The following RAB3GAP1 variants were observed in gnomAD, a reference collection of about 807,000 sequenced individuals.
The protein encoded by RAB3GAP1 is rab3 GTPase-activating protein catalytic subunit.
A neutral mutation model predicts 130.7 loss-of-function variants in RAB3GAP1; 86 were observed. The ratio of observed to expected loss-of-function variants is 0.66; its 90% CI spans 0.55 to 0.79. RAB3GAP1 has a LOEUF of 0.79. Ranked by LOEUF, RAB3GAP1 falls within the 30% of genes least tolerant of loss-of-function variation. The pLI is 0.00. For missense variants in RAB3GAP1, 1,029 were observed against 1,169.4 expected, an observed-to-expected ratio of 0.88 and a Z score of 1.75; for synonymous variants, 367 against 401.7, an observed-to-expected ratio of 0.91 and a Z score of 1.03.
chr2:135,052,377 C>T (rs1482164748), intron 1 of RAB3GAP1, 52 bp downstream of exon 1: 10 of 1,614,166 alleles, frequency 6.2e-6, no homozygotes, highest in Admixed American at 1.7e-5. Context: ...ATTCGTTCCT[C>T]ATGTCTTCGC....
At chr2:135,081,327 A>AAAAAAAAAT (rs1363481112) in intron 3 of RAB3GAP1, among the ~76,000 whole-genome samples, 12 of 64,046 alleles carry the variant, frequency 1.9e-4, no homozygotes, top group African/African-American at 6.4e-4. Context: ...AAAAAAAAAA[A>AAAAAAAAAT]ATATATATAT....
intron 12 of RAB3GAP1, 31 bp downstream of exon 12, chr2:135,130,118 C>G (rs754619178): frequency 6.7e-7 from 1 of 1,494,392 alleles, no homozygotes; most frequent in Admixed American, 1.7e-5. Flanking sequence ...ACATTACTTT[C>G]AAATGTCTTA....
At chr2:135,071,199 T>C (rs1689463068) in intron 3 of RAB3GAP1, among the ~76,000 whole-genome samples, 1 of 152,216 alleles carries the variant, frequency 6.6e-6, no homozygotes, top group Non-Finnish European at 1.5e-5. Flanking sequence ...ATCCTGGCCT[T>C]GAGGCCCAGA....
At chr2:135,117,555 T>G (rs113460754) in intron 7 of RAB3GAP1, among the ~76,000 whole-genome samples, 2,755 of 88,060 alleles carry the variant, frequency 0.031, 79 homozygotes, top group African/African-American at 0.1. Context: ...TTCTTCTTCT[T>G]CTGCTTCTTC....
At chr2:135,157,492 A>T (rs1193933790) in intron 19 of RAB3GAP1, among the ~76,000 whole-genome samples, 1 of 152,158 alleles carries the variant, frequency 6.6e-6, no homozygotes, top group Non-Finnish European at 1.5e-5. Context: ...GACACATCAA[A>T]TGTGTTTGAC....
At chr2:135,137,293 A>T in intron 17 of RAB3GAP1, 1 of 294,502 alleles carries the variant, frequency 3.4e-6, no homozygotes, top group East Asian at 9.8e-5. Flanking sequence ...CATCTGTACT[A>T]TTCTTGAGTA....
intron 17 of RAB3GAP1, among the ~76,000 whole-genome samples, chr2:135,141,900 C>T (rs998491250): frequency 1.3e-5 from 2 of 151,838 alleles, no homozygotes; most frequent in African/African-American, 2.4e-5. Flanking sequence ...TATTCTGTTC[C>T]GTTGGTCTCT....
intron 3 of RAB3GAP1, among the ~76,000 whole-genome samples, chr2:135,060,943 A>G (rs534198681): frequency 6.7e-6 from 1 of 149,314 alleles, no homozygotes; most frequent in Non-Finnish European, 1.5e-5. Context: ...GCCTAAAGCA[A>G]TCTGCTTGCC....
chr2:135,074,048 C>T (rs1476867329), intron 3 of RAB3GAP1, among the ~76,000 whole-genome samples: 3 of 152,268 alleles, frequency 2.0e-5, no homozygotes, highest in South Asian at 4.2e-4. Flanking sequence ...ACTGGATGAA[C>T]ACTAGGTGAA....
At chr2:135,094,866 T>TGACA (rs1690246411) in intron 5 of RAB3GAP1, among the ~76,000 whole-genome samples, 1 of 152,226 alleles carries the variant, frequency 6.6e-6, no homozygotes, top group South Asian at 2.1e-4. Context: ...CTCTTGTAAA[T>TGACA]GACAGGATTT....
At chr2:135,062,788 A>G (rs1689213008) in intron 3 of RAB3GAP1, among the ~76,000 whole-genome samples, 1 of 152,210 alleles carries the variant, frequency 6.6e-6, no homozygotes, top group Non-Finnish European at 1.5e-5. Context: ...TATGATGCAA[A>G]AATAAATGGA....
chr2:135,175,303 A>G (rs1445699206), downstream of RAB3GAP1: 1 of 152,236 alleles, frequency 6.6e-6, no homozygotes, highest in Non-Finnish European at 1.5e-5. Flanking sequence ...GGAGCCAGAC[A>G]TGTTTCTTTT....
chr2:135,164,675 G>A lies in RAB3GAP1; in HGVS notation c.2688G>A (p.Lys896=). ...GACATGCTGGCAGGATCATTCACAA[G>A]CTGTTTGTGAATGCCCAGAGGGTAT... ...GRGHAGRIIH[K]LFVNAQRAAA... is the part of the protein sequence containing the mutation. The change falls in exon 23 of 24, where the codon AAG becomes AAA. Residue 896 remains lysine (K), a synonymous_variant. Transcript: ENST00000264158. The A allele has an allele frequency of 1.2e-6, 2 of 1,610,500 alleles. No homozygotes were observed. The highest frequency in any genetic ancestry group is 1.7e-6 in the Non-Finnish European group (2 of 1,177,080).
chr2:135,117,636 GCTTCTT>G (rs1190948966), intron 7 of RAB3GAP1, among the ~76,000 whole-genome samples: 2 of 13,854 alleles, frequency 1.4e-4, no homozygotes, highest in Admixed American at 6.8e-4. Context: ...TTCTGCTTCT[GCTTCTT>G]CTTCTGCTTC....
intron 3 of RAB3GAP1, among the ~76,000 whole-genome samples, chr2:135,075,679 G>T (rs1244291661): frequency 5.0e-5 from 7 of 139,010 alleles, no homozygotes; most frequent in South Asian, 2.3e-4. Context: ...GCCTTTTTTT[G>T]GGGGGGGTCA....
intron 7 of RAB3GAP1, among the ~76,000 whole-genome samples, chr2:135,117,513 G>GCTT (rs1187892015): frequency 4.5e-4 from 12 of 26,890 alleles, no homozygotes; most frequent in African/African-American, 1.9e-3. Flanking sequence ...TTCTTCTTCT[G>GCTT]CTTCTTCTGC....
intron 7 of RAB3GAP1, among the ~76,000 whole-genome samples, chr2:135,119,968 A>G (rs534284332): frequency 6.6e-6 from 1 of 152,338 alleles, no homozygotes; most frequent in African/African-American, 2.4e-5. Flanking sequence ...AGATAAATCT[A>G]AGTTTTCTTT....
intron 7 of RAB3GAP1, among the ~76,000 whole-genome samples, chr2:135,119,041 A>T (rs976236981): frequency 6.6e-6 from 1 of 151,646 alleles, no homozygotes; most frequent in African/African-American, 2.4e-5. Context: ...AGATATTTCC[A>T]TCATTTTTCA....
rs10183807 is a variant in RAB3GAP1, at chr2:135,125,898, G to A, written c.831-283G>A. Among the ~76,000 whole-genome samples, 4,129 of 152,262 alleles carry A rather than the reference G, an allele frequency of 0.027. 167 individuals are homozygous for A. Among genetic ancestry groups the A allele is most frequent in the African/African-American group, 0.093 (3,847 of 41,546 alleles). On this transcript the variant is annotated intron_variant, in intron 9 of 23. Transcript: ENST00000264158. ...ATGTACTTCTGTGCTTTTTATGGCT[G>A]TAAATATACCATTGTATGGATATGC...
Sources: gnomAD v4.1 joint callset for allele counts (sites outside exome capture counted in the v4.1 genomes callset) on GRCh38, gnomAD v4.1.1 for gene constraint, MANE v1.5 for transcripts, NCBI Gene and HGNC (gene_info 2026-07-23, HGNC 2026-07-21) for gene names.